Variants in DOCK1 observed in about 807,000 individuals in gnomAD.
DOCK1 encodes the protein dedicator of cytokinesis 1.
DOCK1 carries 138 observed loss-of-function variants against 262.7 expected under a neutral mutation model. The ratio of observed to expected loss-of-function variants is 0.53; its 90% CI spans 0.46 to 0.61. The LOEUF is 0.61. DOCK1 is among the 20% of genes least tolerant of loss of function. The probability of loss-of-function intolerance (pLI) is 0.00; values close to 1 mark genes in which losing one functional copy is unlikely to be tolerated. For missense variants in DOCK1, 1,908 were observed against 2,370.7 expected (o/e 0.80, Z 4.05); for synonymous variants, 866 against 867.4 (o/e 1.00, Z 0.03).
At chr10:127,220,448 G>A (rs2058384111) in intron 27 of DOCK1, among the ~76,000 whole-genome samples, 1 of 141,872 alleles carries the variant, frequency 7.0e-6, no homozygotes, top group Non-Finnish European at 1.6e-5. Flanking sequence ...AAGATATGCA[G>A]TCAAATTTTA....
chr10:127,204,595 A>T (rs995089233), intron 27 of DOCK1, among the ~76,000 whole-genome samples: 33 of 151,278 alleles, frequency 2.2e-4, no homozygotes, highest in East Asian at 9.7e-4. Context: ...CCGTTTTTTT[A>T]AAAAAAAATA....
At chr10:127,277,589 C>T (rs557068016) in intron 29 of DOCK1, among the ~76,000 whole-genome samples, 1 of 152,196 alleles carries the variant, frequency 6.6e-6, no homozygotes, top group African/African-American at 2.4e-5. Flanking sequence ...GAAACCTCGT[C>T]TCTACTAAAA....
At chr10:127,304,069 A>C (rs1013305961) in intron 29 of DOCK1, among the ~76,000 whole-genome samples, 1 of 152,192 alleles carries the variant, frequency 6.6e-6, no homozygotes, top group Non-Finnish European at 1.5e-5. Context: ...TTGAGAGTGG[A>C]AAGAGCACTG....
At chr10:127,041,946 G>T (rs1390449853) in intron 19 of DOCK1, among the ~76,000 whole-genome samples, 1 of 152,148 alleles carries the variant, frequency 6.6e-6, no homozygotes, top group Non-Finnish European at 1.5e-5. Flanking sequence ...TTTCCTGCAG[G>T]GGAGGATGGG....
rs1158422464 is a variant in DOCK1 at position 127,233,032 on chromosome 10, G to GGATTT, written c.2848-14964_2848-14960dup. On this transcript the variant is annotated intron_variant, in intron 27 of 51. Transcript: ENST00000623213. The stretch of plus-strand genomic sequence containing the variant: ...TTAGAGTTTTTGGTTTAGGTTAAGG[G>GGATTT]GATTTGATTTGATTTGGCATGGTCC... Among the ~76,000 whole-genome samples the GGATTT allele has an allele frequency of 2.0e-5, 3 of 152,132 alleles. 1 individual carries two copies. The highest frequency in any genetic ancestry group is 1.3e-4 in the Admixed American group (2 of 15,262).
chr10:127,449,897 T>C (rs1274625794), intron 51 of DOCK1, among the ~76,000 whole-genome samples: 4 of 152,166 alleles, frequency 2.6e-5, no homozygotes, highest in Non-Finnish European at 5.9e-5. Context: ...CCATTAATCA[T>C]TTTGCTTAAT....
chr10:127,280,765 G>C (rs1021502739), intron 29 of DOCK1, among the ~76,000 whole-genome samples: 7 of 152,182 alleles, frequency 4.6e-5, no homozygotes, highest in African/African-American at 1.7e-4. Flanking sequence ...GTCGACACCT[G>C]TGCTGGTGTA....
intron 1 of DOCK1, among the ~76,000 whole-genome samples, chr10:126,956,705 T>C (rs1033244020): frequency 2.0e-5 from 3 of 152,214 alleles, no homozygotes; most frequent in Admixed American, 1.3e-4. Flanking sequence ...CCCTTTGCTG[T>C]CATCCTCCCA....
intron 27 of DOCK1, among the ~76,000 whole-genome samples, chr10:127,134,474 T>A (rs1359727239): frequency 1.3e-5 from 2 of 152,178 alleles, no homozygotes; most frequent in Non-Finnish European, 2.9e-5. Context: ...CCCATTTATC[T>A]TCTGCTGGAG....
At position 127,073,233 on chromosome 10, in the gene DOCK1, C is replaced by T. The variant is rs367844017; in HGVS notation, c.2445+11457C>T. ...ACATTAAGAATTCAGTTCTTCCCAA[C>T]TTGATCTACAGATTCACTGCAGTCC... On this transcript the variant is annotated intron_variant, in intron 23 of 51. Transcript: ENST00000623213. Among the ~76,000 whole-genome samples, 23 of 152,348 alleles carry T rather than the reference C, an allele frequency of 1.5e-4. No individual in the cohort carries two copies. The South Asian group carries it at 4.4e-3, about 29-fold the overall frequency.
chr10:127,399,207 G>A (rs1368564339), intron 38 of DOCK1, among the ~76,000 whole-genome samples: 1 of 152,160 alleles, frequency 6.6e-6, no homozygotes, highest in African/African-American at 2.4e-5. Context: ...TGCTGATATG[G>A]GGCTTTTTCA....
chr10:127,073,516 T>C (rs1010252961), intron 23 of DOCK1, among the ~76,000 whole-genome samples: 1 of 152,240 alleles, frequency 6.6e-6, no homozygotes, highest in African/African-American at 2.4e-5. Context: ...TGAGTGAGTT[T>C]AGGATTTAGA....
chr10:127,408,017 C>T (rs919736903), intron 40 of DOCK1, among the ~76,000 whole-genome samples: 1 of 152,082 alleles, frequency 6.6e-6, no homozygotes, highest in Non-Finnish European at 1.5e-5. Flanking sequence ...TTTCTGTGAC[C>T]GAGTTCACAC....
At position 127,110,275 on chromosome 10, in the gene DOCK1, T is replaced by C. The variant is rs377510768; in HGVS notation, c.2544T>C (p.Asn848=). ...AAATGTTTACTGAATTCATCCTCAA[T>C]GTTCCCATGGGCTTGCTGACCATCC... is the stretch of plus-strand genomic sequence containing the variant. ...LSKMFTEFIL[N]VPMGLLTIQK... is the part of the protein sequence containing the mutation. The change falls in exon 25 of 52, where the codon AAT becomes AAC. Residue 848 remains asparagine, a synonymous_variant. Transcript: ENST00000623213. The C allele has an allele frequency of 4.7e-5, 76 of 1,613,478 alleles. No individual in the cohort carries two copies. The highest frequency in any genetic ancestry group is 2.0e-4 in the Admixed American group (12 of 59,974).
intron 29 of DOCK1, 140 bp downstream of exon 29, chr10:127,257,569 G>A (rs1289077966): frequency 3.1e-6 from 2 of 646,756 alleles, no homozygotes; most frequent in African/African-American, 1.8e-5. Flanking sequence ...GCTGCAGACA[G>A]TTCTAGGGAG....
chr10:127,077,412 A>T (rs1191470950), intron 23 of DOCK1, among the ~76,000 whole-genome samples: 1 of 152,186 alleles, frequency 6.6e-6, no homozygotes, highest in African/African-American at 2.4e-5. Context: ...AAATAAAAAA[A>T]GTTCTTACCA....
chr10:126,924,235 C>A (rs1205630077), intron 1 of DOCK1, among the ~76,000 whole-genome samples: 2 of 137,092 alleles, frequency 1.5e-5, no homozygotes, highest in African/African-American at 2.8e-5. Context: ...AATGCTGGAA[C>A]TGAGCAGGGG....
rs759991752 is a variant in DOCK1, at chr10:127,031,654, G to A, written c.1629G>A (p.Lys543=). 1 of 1,608,662 alleles carries A rather than the reference G, an allele frequency of 6.2e-7. No homozygotes were observed. The highest frequency in any genetic ancestry group is 8.5e-7 in the Non-Finnish European group (1 of 1,179,062). Residue 543 remains lysine (K), a synonymous_variant, in exon 17 of 52, where the codon AAG becomes AAA. Transcript: ENST00000623213. ...TTTTTGTTTTTTGTTTTACAGCTAA[G>A]GATAAATCTGAGAAAATATTTGCAC... ...TFRHRSSQDS[K]DKSEKIFALA...
intron 35 of DOCK1, among the ~76,000 whole-genome samples, chr10:127,375,468 C>T (rs1305259601): frequency 1.3e-5 from 2 of 152,240 alleles, no homozygotes; most frequent in African/African-American, 2.4e-5. Flanking sequence ...CTGCCACATC[C>T]ACCCCTTGTG....
Sources: allele counts gnomAD v4.1 joint callset (sites outside exome capture counted in the v4.1 genomes callset), GRCh38; gene constraint gnomAD v4.1.1; transcripts MANE v1.5; gene names NCBI Gene and HGNC (gene_info 2026-07-23, HGNC 2026-07-21).